Variants in SLC45A4 observed in about 807,000 individuals in gnomAD.
The protein encoded by SLC45A4 is polyamine-transporter SLC45A4.
A neutral mutation model predicts 63.7 loss-of-function variants in SLC45A4; 32 were observed. The ratio of observed to expected loss-of-function variants is 0.50; its 90% CI spans 0.38 to 0.67. The LOEUF is 0.67. Ranked by LOEUF, SLC45A4 falls within the 30% of genes least tolerant of loss-of-function variation. The pLI, the probability that SLC45A4 is intolerant of heterozygous loss-of-function variation, is 0.00. For synonymous variants in SLC45A4, 535 were observed against 510.0 expected (o/e 1.05, Z -0.66); for missense variants, 1,027 against 1,157.7 (o/e 0.89, Z 1.64).
chr8:141,260,162 A>G (rs1828989051), intron 1 of SLC45A4, among the ~76,000 whole-genome samples: 1 of 152,258 alleles, frequency 6.6e-6, no homozygotes, highest in South Asian at 2.1e-4. Context: ...CCTCACTGGC[A>G]TCTATATTGA....
In SLC45A4 at chr8:141,212,514, T is replaced by A. The variant is rs947464317; in HGVS notation, c.1984A>T (p.Ile662Leu). Residue 662 changes from isoleucine to leucine, a missense_variant, in exon 8 of 9, where the codon ATA becomes TTA. Ile to Leu is a conservative substitution (Grantham distance 5). Transcript: ENST00000517878. ...TGGCAGGACAGGATGGCACAATCTA[T>A]GCCAAACCCTCGCTTGGAGTTCCCG... ...SPGNSKRGFG[I>L]DCAILSCQVY... The A allele has an allele frequency of 2.4e-5, 38 of 1,612,120 alleles. No individual in the cohort carries two copies. In the Admixed American group the frequency reaches 4.0e-4, roughly 17 times the overall value.
intron 1 of SLC45A4, among the ~76,000 whole-genome samples, chr8:141,273,407 C>T (rs765186946): frequency 2.6e-5 from 4 of 152,306 alleles, no homozygotes; most frequent in East Asian, 1.9e-4. Context: ...GAAAATCAAG[C>T]GCCAGTATCA....
intron 1 of SLC45A4, among the ~76,000 whole-genome samples, chr8:141,275,243 C>T (rs28588820): frequency 0.28 from 42,066 of 152,024 alleles, 6,128 homozygotes; most frequent in East Asian, 0.39. Context: ...CAGAACCAAG[C>T]GTTTTCTTGG....
chr8:141,219,568 C>T, intron 4 of SLC45A4, 82 bp downstream of exon 4: 2 of 1,476,240 alleles, frequency 1.4e-6, no homozygotes, highest in Non-Finnish European at 1.8e-6. Flanking sequence ...GCAGCGCTGA[C>T]AACACAGGCT....
chr8:141,228,289 C>A, intron 2 of SLC45A4: 1 of 1,611,494 alleles, frequency 6.2e-7, no homozygotes. Context: ...CCCTGCCGCC[C>A]TGTGCCAGGC....
In SLC45A4 at chr8:141,276,186, G is replaced by A. The variant is rs186380005; in HGVS notation, c.-400-21557C>T. Among the ~76,000 whole-genome samples, 985 of 152,258 alleles carry A rather than the reference G, an allele frequency of 6.5e-3. 14 individuals are homozygous for A. The highest frequency in any genetic ancestry group is 0.023 in the African/African-American group (957 of 41,542). The stretch of plus-strand genomic sequence containing the variant: ...CAAATTGCTGGGATTACAAGTGTGA[G>A]CCACCTTGCCTGGCCAAATTTACTT... On this transcript the variant is annotated intron_variant, in intron 1 of 8. Transcript: ENST00000517878.
chr8:141,232,495 C>T lies in SLC45A4; in HGVS notation c.242-10730G>A, dbSNP rs181582297. Among the ~76,000 whole-genome samples the T allele has an allele frequency of 1.3e-3, 202 of 152,348 alleles. 1 individual carries two copies. The highest frequency in any genetic ancestry group is 4.5e-3 in the African/African-American group (186 of 41,594). On this transcript the variant is annotated intron_variant, in intron 2 of 8. Coordinates refer to ENST00000517878, the MANE Select transcript of SLC45A4 (RefSeq NM_001286646.2). ...CCTCAGGTGAAGACAGGGAATGCTG[C>T]TGCTGCAACATGAACGCACACTCAG...
At chr8:141,240,058 G>A (rs149537329) in intron 2 of SLC45A4, among the ~76,000 whole-genome samples, 1 of 152,248 alleles carries the variant, frequency 6.6e-6, no homozygotes, top group Non-Finnish European at 1.5e-5. Flanking sequence ...CGATTCACAC[G>A]AAACGACAAT....
At chr8:141,296,973 G>A (rs1002148905) in intron 1 of SLC45A4, among the ~76,000 whole-genome samples, 4 of 152,052 alleles carry the variant, frequency 2.6e-5, no homozygotes, top group Non-Finnish European at 5.9e-5. Flanking sequence ...CTTGTTCTTG[G>A]CCTTCCAGCC....
chr8:141,273,328 T>G (rs761609469), intron 1 of SLC45A4, among the ~76,000 whole-genome samples: 8 of 152,200 alleles, frequency 5.3e-5, no homozygotes, highest in Non-Finnish European at 1.0e-4. Flanking sequence ...GAAGGACGCT[T>G]TGGCTGCCAT....
intron 2 of SLC45A4, among the ~76,000 whole-genome samples, chr8:141,246,383 C>T (rs138037976): frequency 1.5e-3 from 182 of 120,514 alleles, no homozygotes; most frequent in Non-Finnish European, 2.4e-3. Flanking sequence ...TGGGGCCTCT[C>T]ACAGGCTCCT....
chr8:141,261,911 G>A (rs148959863), intron 1 of SLC45A4, among the ~76,000 whole-genome samples: 27 of 151,950 alleles, frequency 1.8e-4, no homozygotes, highest in South Asian at 4.2e-4. Context: ...AGCCTGCATC[G>A]CATCCTAAGC....
chr8:141,228,179 C>T, intron 2 of SLC45A4: 1 of 1,614,050 alleles, frequency 6.2e-7, no homozygotes, highest in East Asian at 2.2e-5. Flanking sequence ...GCATTCTAAC[C>T]TTTCTGAAGA....
chr8:141,286,441 T>C (rs924698566), intron 1 of SLC45A4, among the ~76,000 whole-genome samples: 8 of 152,290 alleles, frequency 5.3e-5, no homozygotes, highest in African/African-American at 1.7e-4. Flanking sequence ...ATCTTCCTGG[T>C]CCCTTTCGGG....
intron 1 of SLC45A4, among the ~76,000 whole-genome samples, chr8:141,284,957 C>T (rs897410186): frequency 2.0e-5 from 3 of 151,774 alleles, no homozygotes; most frequent in African/African-American, 4.8e-5. Flanking sequence ...CCGCCCCACA[C>T]CCCGACTCCC....
intron 1 of SLC45A4, among the ~76,000 whole-genome samples, chr8:141,285,261 C>T (rs146666867): frequency 3.3e-4 from 50 of 152,362 alleles, no homozygotes; most frequent in African/African-American, 1.1e-3. Context: ...CGCACCCCAG[C>T]GGCCATCCTC....
At chr8:141,213,436 G>A (rs1589755440) in intron 7 of SLC45A4, among the ~76,000 whole-genome samples, 1 of 152,292 alleles carries the variant, frequency 6.6e-6, no homozygotes, top group East Asian at 1.9e-4. Context: ...CAGGACAACT[G>A]GAAAAAGCCC....
intron 1 of SLC45A4, among the ~76,000 whole-genome samples, chr8:141,287,959 G>C (rs1324795929): frequency 6.6e-6 from 1 of 152,200 alleles, no homozygotes; most frequent in Non-Finnish European, 1.5e-5. Context: ...GGGACTAGAC[G>C]GCTTTGCACC....
At chr8:141,272,019 G>A (rs562483748) in intron 1 of SLC45A4, among the ~76,000 whole-genome samples, 18 of 151,460 alleles carry the variant, frequency 1.2e-4, no homozygotes, top group Non-Finnish European at 2.2e-4. Context: ...ACACACCTGC[G>A]TACACACATG....
Sources: gnomAD v4.1 joint callset for allele counts (sites outside exome capture counted in the v4.1 genomes callset) on GRCh38, gnomAD v4.1.1 for gene constraint, MANE v1.5 for transcripts, NCBI Gene and HGNC (gene_info 2026-07-23, HGNC 2026-07-21) for gene names.